Variants in SCAI observed in about 807,000 individuals in gnomAD.
SCAI encodes the protein protein SCAI.
A neutral mutation model predicts 92.2 loss-of-function variants in SCAI; 24 were observed. The observed-to-expected ratio is 0.26, with a 90% CI of 0.19 to 0.37. The LOEUF (loss-of-function observed/expected upper bound fraction) is 0.37, where lower values mean the gene tolerates loss of function less well. SCAI is among the 10% of genes least tolerant of loss of function. SCAI has a pLI of 1.00. For synonymous variants in SCAI, 261 were observed against 258.6 expected (o/e 1.01, Z -0.09); for missense variants, 450 against 736.2 (o/e 0.61, Z 4.50).
At chr9:125,134,137 C>G (rs1361280294) in intron 2 of SCAI, among the ~76,000 whole-genome samples, 1 of 152,184 alleles carries the variant, frequency 6.6e-6, no homozygotes, top group Non-Finnish European at 1.5e-5. Flanking sequence ...CAGTCTACAT[C>G]TAGGCTGTCA....
chr9:125,132,522 A>T (rs541402663), intron 2 of SCAI, among the ~76,000 whole-genome samples: 1 of 152,196 alleles, frequency 6.6e-6, no homozygotes, highest in East Asian at 1.9e-4. Context: ...CTATACCTGA[A>T]GCCGTTATCT....
At chr9:124,954,386 C>T (rs376970463) in intron 17 of SCAI, among the ~76,000 whole-genome samples, 1 of 152,160 alleles carries the variant, frequency 6.6e-6, no homozygotes, top group Admixed American at 6.5e-5. Flanking sequence ...AATTTTAAAA[C>T]TGAAACTATA....
At chr9:125,046,196 G>GATAGATATATATATAT (rs1554784575) in intron 3 of SCAI, among the ~76,000 whole-genome samples, 31 of 51,880 alleles carry the variant, frequency 6.0e-4, no homozygotes, top group Non-Finnish European at 9.7e-4. Context: ...GAAATTGTGA[G>GATAGATATATATATAT]ATATATATAT....
chr9:125,081,073 G>T (rs1252863366), intron 2 of SCAI, among the ~76,000 whole-genome samples: 1 of 152,196 alleles, frequency 6.6e-6, no homozygotes, highest in African/African-American at 2.4e-5. Flanking sequence ...CCAGCCACAT[G>T]GAACTGTAAG....
At chr9:125,028,978 A>C (rs577028487) in intron 4 of SCAI, among the ~76,000 whole-genome samples, 5 of 151,828 alleles carry the variant, frequency 3.3e-5, no homozygotes, top group Admixed American at 1.3e-4. Flanking sequence ...TTATATTTTT[A>C]GTAGAGACAG....
intron 2 of SCAI, among the ~76,000 whole-genome samples, chr9:125,134,811 G>T (rs565285266): frequency 6.6e-6 from 1 of 152,232 alleles, no homozygotes; most frequent in East Asian, 1.9e-4. Flanking sequence ...TGAGTAGCTG[G>T]GATTACAGGC....
At chr9:125,068,413 T>A (rs185926086) in intron 2 of SCAI, among the ~76,000 whole-genome samples, 76 of 152,162 alleles carry the variant, frequency 5.0e-4, no homozygotes, top group African/African-American at 1.6e-3. Context: ...GGCAGGAGGA[T>A]CCCCTGAGCC....
rs558805663 is a variant in SCAI at position 124,944,179 on chromosome 9, A to G, written c.*8628T>C. The G allele has an allele frequency of 6.6e-6, 1 of 152,354 alleles. No homozygotes were observed. Among genetic ancestry groups the G allele is most frequent in the South Asian group, 2.1e-4 (1 of 4,826 alleles). 9.4% of individuals were successfully genotyped at this position (152,354 alleles called of 1,614,324 possible). ...TGTGGCAAAAGGAATGCATTCAGAT[A>G]ACTATAAAAAGCCACATAAATCAAG... On this transcript the variant is annotated 3_prime_UTR_variant, in exon 18 of 18. Coordinates refer to ENST00000336505, the MANE Select transcript of SCAI (RefSeq NM_001144877.3).
chr9:125,064,028 C>T (rs913016242), intron 2 of SCAI, among the ~76,000 whole-genome samples: 1 of 152,182 alleles, frequency 6.6e-6, no homozygotes, highest in Non-Finnish European at 1.5e-5. Context: ...GCTGGGATTA[C>T]AGGCGTGAGC....
chr9:125,002,486 C>CTGTTTTTTTTTTTT (rs1832380624), intron 11 of SCAI, among the ~76,000 whole-genome samples: 1 of 62,788 alleles, frequency 1.6e-5, no homozygotes, highest in Non-Finnish European at 3.1e-5. Flanking sequence ...GTTTTTTAGT[C>CTGTTTTTTTTTTTT]TGTTTTTTTT....
chr9:125,065,066 T>C (rs1467185846), intron 2 of SCAI, among the ~76,000 whole-genome samples: 2 of 151,996 alleles, frequency 1.3e-5, no homozygotes, highest in Middle Eastern at 3.4e-3. Flanking sequence ...GAACAGCCAA[T>C]AAGAGCAGCC....
At chr9:125,124,976 T>G (rs1169564666) in intron 2 of SCAI, among the ~76,000 whole-genome samples, 1 of 152,224 alleles carries the variant, frequency 6.6e-6, no homozygotes, top group Admixed American at 6.5e-5. Context: ...ATCCCAACAC[T>G]TTGGGAGGCC....
intron 2 of SCAI, among the ~76,000 whole-genome samples, chr9:125,065,812 G>A (rs1833858833): frequency 1.3e-5 from 2 of 152,126 alleles, no homozygotes; most frequent in Admixed American, 1.3e-4. Context: ...CACACAAGTA[G>A]AATGAAGGAC....
At chr9:125,079,298 T>C (rs993888743) in intron 2 of SCAI, among the ~76,000 whole-genome samples, 1 of 152,224 alleles carries the variant, frequency 6.6e-6, no homozygotes, top group Admixed American at 6.5e-5. Flanking sequence ...TATTTGGGGT[T>C]ATGTAAGCTA....
chr9:124,977,529 C>G (rs2131595682), intron 14 of SCAI, among the ~76,000 whole-genome samples: 1 of 152,186 alleles, frequency 6.6e-6, no homozygotes, highest in African/African-American at 2.4e-5. Flanking sequence ...GAAAAATTAG[C>G]CAAATGTGGT....
intron 3 of SCAI, among the ~76,000 whole-genome samples, 176 bp from the exon 4 acceptor site, chr9:125,029,915 C>G (rs1036868343): frequency 9.9e-5 from 15 of 152,160 alleles, no homozygotes; most frequent in African/African-American, 3.4e-4. Context: ...AGGACATGCT[C>G]TTTTCCTATT....
At chr9:125,057,225 A>C (rs1348152501) in intron 2 of SCAI, among the ~76,000 whole-genome samples, 1 of 152,228 alleles carries the variant, frequency 6.6e-6, no homozygotes, top group Admixed American at 6.5e-5. Context: ...ATACAGTTGA[A>C]CAAATAAATA....
At chr9:125,063,149 C>T (rs1298566018) in intron 2 of SCAI, among the ~76,000 whole-genome samples, 2 of 151,308 alleles carry the variant, frequency 1.3e-5, no homozygotes, top group Non-Finnish European at 2.9e-5. Flanking sequence ...GTAGCTCACG[C>T]CTGTAATCCC....
rs1042131140 is a variant in SCAI, at chr9:124,946,448, T to C, written c.*6359A>G. ...TATTTTAAGATAATATTGGATCAGA[T>C]AGATTTAATCTTCCAAAGAATACGG... On this transcript the variant is annotated 3_prime_UTR_variant, in exon 18 of 18. Coordinates refer to ENST00000336505, the MANE Select transcript of SCAI (RefSeq NM_001144877.3). The surrounding 1 kb of genome is among the most constrained non-coding windows in gnomAD (Gnocchi z 4.0). 6 of 152,234 alleles carry C rather than the reference T, an allele frequency of 3.9e-5. No individual in the cohort carries two copies. Among genetic ancestry groups the C allele is most frequent in the Admixed American group, 6.5e-5 (1 of 15,286 alleles). The allele number at this position is 152,234 out of a possible 1,614,324, so 9.4% of individuals were successfully genotyped here. A position where few individuals can be genotyped will look rare whatever the true frequency, so the allele number is the denominator to read the frequency against.
Sources: allele counts gnomAD v4.1 joint callset (sites outside exome capture counted in the v4.1 genomes callset), GRCh38; gene constraint gnomAD v4.1.1; non-coding constraint Gnocchi (gnomAD v3.1); transcripts MANE v1.5; gene names NCBI Gene and HGNC (gene_info 2026-07-23, HGNC 2026-07-21).